LAMC1: variants seen among roughly 807,000 people sequenced by gnomAD.
LAMC1 encodes laminin subunit gamma-1.
LAMC1 carries 38 observed loss-of-function variants against 173.6 expected under a neutral mutation model. The observed-to-expected ratio is 0.22, with a 90% CI of 0.17 to 0.29. The LOEUF (loss-of-function observed/expected upper bound fraction) is 0.29. Among genes scored for constraint, LAMC1 ranks in the 10% least tolerant of loss-of-function variants. The pLI is 1.00. For synonymous variants in LAMC1, 746 were observed against 749.1 expected, an observed-to-expected ratio of 1.00 and a Z score of 0.07; for missense variants, 1,824 against 2,051.8, an observed-to-expected ratio of 0.89 and a Z score of 2.14.
chr1:183,117,628 C>T lies in LAMC1; in HGVS notation c.1782C>T (p.Asp594=). 1.2e-6 allele frequency: 2 copies of T among 1,614,220 alleles called. No individual in the cohort carries two copies. Among genetic ancestry groups the T allele is most frequent in the East Asian group, 2.2e-5 (1 of 44,866 alleles). ...DRRDTRLSAE[D]LVLEGAGLRV... ...GAGATACTCGCCTCTCTGCAGAAGA[C>T]CTTGTGCTTGAGGGAGCTGGCTTAA... The change falls in exon 10 of 28, where the codon GAC becomes GAT. Residue 594 remains aspartate (D), a synonymous_variant. Coordinates refer to ENST00000258341, the MANE Select transcript of LAMC1 (RefSeq NM_002293.4).
intron 1 of LAMC1, 120 bp downstream of exon 1, chr1:183,024,254 C>T (rs917435575): frequency 3.2e-6 from 3 of 931,522 alleles, no homozygotes; most frequent in African/African-American, 3.4e-5. Context: ...CTCTGTTCCC[C>T]GGCATGGGCC....
At chr1:183,037,633 G>A in intron 1 of LAMC1, among the ~76,000 whole-genome samples, 1 of 152,092 alleles carries the variant, frequency 6.6e-6, no homozygotes. Context: ...AAATCTGTAA[G>A]TCTCTCTTTA....
rs958088895 is a variant in LAMC1, at chr1:183,143,975, A to T, written c.*1185A>T. The T allele has an allele frequency of 6.6e-6, 1 of 152,406 alleles. No homozygotes were observed. Among genetic ancestry groups the T allele is most frequent in the South Asian group, 2.1e-4 (1 of 4,820 alleles). 9.4% of individuals were successfully genotyped at this position (152,406 alleles called of 1,614,324 possible). A position where few individuals can be genotyped will look rare whatever the true frequency, so the allele number is the denominator to read the frequency against. ...CACTCAGTATTTCACACAGCTGCCA[A>T]CGCTATCGAGTTCCTGCACTTTGTG... On this transcript the variant is annotated 3_prime_UTR_variant, in exon 28 of 28. Transcript: ENST00000258341.
Position 183,128,582 on chromosome 1 carries a change from CTTTATG to C in LAMC1, c.3124-7_3124-2del, listed in dbSNP as rs780113398. ...GTCCTACCTTTCCCTTTTCTTTCTT[CTTTATG>C]TTTAGGTTGCTGATCATAGAGTGAA... On this transcript the variant is annotated splice_region_variant and splice_polypyrimidine_tract_variant and intron_variant, in intron 17 of 27. Coordinates refer to ENST00000258341, the MANE Select transcript of LAMC1 (RefSeq NM_002293.4). The C allele has an allele frequency of 1.3e-6, 2 of 1,594,340 alleles. No individual in the cohort carries two copies. The highest frequency in any genetic ancestry group is 1.7e-6 in the Non-Finnish European group (2 of 1,168,310).
In LAMC1 at chr1:183,143,621, C is replaced by A. The variant is rs1222801192; in HGVS notation, c.*831C>A. On this transcript the variant is annotated 3_prime_UTR_variant, in exon 28 of 28. Transcript: ENST00000258341. ...CACAGAAGAAATAGGGATATGATAA[C>A]CACTAAAATTTTGTTTTCAAAATCA... 2.0e-5 allele frequency: 3 copies of A among 152,396 alleles called. No homozygotes were observed. The highest frequency in any genetic ancestry group is 2.9e-5 in the Non-Finnish European group (2 of 68,020). 9.4% of individuals were successfully genotyped at this position (152,396 alleles called of 1,614,324 possible).
chr1:183,121,712 A>G lies in LAMC1; in HGVS notation c.1991-11A>G. 6.2e-7 allele frequency: 1 copy of G among 1,606,338 alleles called. No individual in the cohort carries two copies. Among genetic ancestry groups the G allele is most frequent in the Non-Finnish European group, 8.5e-7 (1 of 1,175,418 alleles). On this transcript the variant is annotated splice_polypyrimidine_tract_variant and intron_variant, in intron 11 of 27. Transcript: ENST00000258341. ...CCAGTTCAGTGATTTTCTTTTCCTC[A>G]CTATACACAGGTGCTGGATATTTGG...
intron 1 of LAMC1, among the ~76,000 whole-genome samples, chr1:183,086,057 C>A (rs1655418812): frequency 6.6e-6 from 1 of 152,116 alleles, no homozygotes; most frequent in African/African-American, 2.4e-5. Flanking sequence ...AACAGGAATG[C>A]CTATATCCAT....
At chr1:183,049,828 A>C (rs1013734287) in intron 1 of LAMC1, among the ~76,000 whole-genome samples, 5 of 150,220 alleles carry the variant, frequency 3.3e-5, no homozygotes, top group African/African-American at 9.9e-5. Flanking sequence ...ACTAAAACAA[A>C]AAAAAAAAAT....
At chr1:183,050,750 G>T (rs28533496) in intron 1 of LAMC1, among the ~76,000 whole-genome samples, 50,193 of 149,942 alleles carry the variant, frequency 0.33, 9,418 homozygotes, top group East Asian at 0.48. Context: ...AATTAGCTGA[G>T]TCTGGTGGTG....
chr1:183,134,952 A>G, intron 23 of LAMC1, 90 bp from the exon 24 acceptor site: 1 of 1,346,336 alleles, frequency 7.4e-7, no homozygotes, highest in Non-Finnish European at 1.1e-6. Context: ...GGCAAGTCTC[A>G]GGGTGGCACC....
chr1:183,082,625 T>G (rs1655308397), intron 1 of LAMC1, among the ~76,000 whole-genome samples: 1 of 152,204 alleles, frequency 6.6e-6, no homozygotes, highest in African/African-American at 2.4e-5. Context: ...TGTCTTACAT[T>G]TTAGAATCAC....
chr1:183,037,169 G>A (rs1654005847), intron 1 of LAMC1, among the ~76,000 whole-genome samples: 1 of 152,194 alleles, frequency 6.6e-6, no homozygotes, highest in Admixed American at 6.5e-5. Context: ...GAATTTCTAA[G>A]GAATTTATTG....
chr1:183,084,752 C>A (rs1038178215), intron 1 of LAMC1, among the ~76,000 whole-genome samples: 1 of 152,146 alleles, frequency 6.6e-6, no homozygotes, highest in Admixed American at 6.5e-5. Context: ...TTCCTTACGA[C>A]GCATCCTTTT....
At chr1:183,115,066 G>A (rs1057477080) in intron 5 of LAMC1, among the ~76,000 whole-genome samples, 4 of 152,322 alleles carry the variant, frequency 2.6e-5, no homozygotes, top group African/African-American at 9.6e-5. Context: ...AATCTCCTTA[G>A]AGTGCTGAAA....
intron 1 of LAMC1, among the ~76,000 whole-genome samples, chr1:183,077,091 C>T (rs575244951): frequency 6.6e-6 from 1 of 152,256 alleles, no homozygotes; most frequent in South Asian, 2.1e-4. Context: ...GTGTGGGTTG[C>T]TTTTGTCTAA....
intron 1 of LAMC1, among the ~76,000 whole-genome samples, chr1:183,098,459 G>T (rs983561828): frequency 6.6e-6 from 1 of 152,178 alleles, no homozygotes; most frequent in Admixed American, 6.5e-5. Flanking sequence ...TACATTGGCA[G>T]AGGGGATGCT....
chr1:183,087,277 G>A (rs774411002), intron 1 of LAMC1, among the ~76,000 whole-genome samples: 2 of 152,120 alleles, frequency 1.3e-5, no homozygotes, highest in Non-Finnish European at 2.9e-5. Flanking sequence ...GTTCACTCTC[G>A]TTCTTCTATT....
At chr1:183,028,607 TCTTGCAG>T (rs991085685) in intron 1 of LAMC1, among the ~76,000 whole-genome samples, 3 of 152,226 alleles carry the variant, frequency 2.0e-5, no homozygotes, top group Non-Finnish European at 2.9e-5. Flanking sequence ...TTGCATTCGT[TCTTGCAG>T]CTTGCAGCTT....
intron 1 of LAMC1, among the ~76,000 whole-genome samples, chr1:183,080,340 A>G (rs886857228): frequency 3.3e-5 from 5 of 152,176 alleles, no homozygotes; most frequent in East Asian, 3.8e-4. Flanking sequence ...GTCCTTCATC[A>G]TTGATTATCT....
Sources: gnomAD v4.1 joint callset for allele counts (sites outside exome capture counted in the v4.1 genomes callset) on GRCh38, gnomAD v4.1.1 for gene constraint, MANE v1.5 for transcripts, NCBI Gene and HGNC (gene_info 2026-07-23, HGNC 2026-07-21) for gene names.